The following CNKSR3 variants were observed in gnomAD, a reference collection of about 807,000 sequenced individuals.
CNKSR3 encodes CNKSR family member 3.
In CNKSR3, 36 loss-of-function variants were observed where a neutral mutation model predicts 67.7. The observed-to-expected ratio is 0.53, with a 90% CI of 0.41 to 0.70. CNKSR3 has a LOEUF of 0.70. CNKSR3 is among the 30% of genes least tolerant of loss of function. The pLI is 0.00. For synonymous variants in CNKSR3, 281 were observed against 271.4 expected (o/e 1.04, Z -0.35); for missense variants, 630 against 695.2 (o/e 0.91, Z 1.05).
chr6:154,473,837 T>C (rs1054329356), intron 1 of CNKSR3, among the ~76,000 whole-genome samples: 1 of 151,844 alleles, frequency 6.6e-6, no homozygotes, highest in Non-Finnish European at 1.5e-5. Flanking sequence ...CAGGCTGGAG[T>C]GCAGTGGCAT....
chr6:154,454,217 C>G (rs977711167), intron 1 of CNKSR3, among the ~76,000 whole-genome samples: 3 of 152,012 alleles, frequency 2.0e-5, no homozygotes, highest in Non-Finnish European at 4.4e-5. Flanking sequence ...ACTCAGCTGT[C>G]TCATTTGTAA....
At position 154,404,347 on chromosome 6, in the gene CNKSR3, C is replaced by A. The variant is rs183965456; in HGVS notation, c.*2007G>T. ...CCCGAGTAGCTGGGACTACAGGTGCCCACCACCATGCGAAGCTGATTTTTA... is the reference window on the plus strand; with the variant it reads ...CCCGAGTAGCTGGGACTACAGGTGCACACCACCATGCGAAGCTGATTTTTA... On this transcript the variant is annotated 3_prime_UTR_variant, in exon 13 of 13. Transcript: ENST00000607772. 3.2e-3 allele frequency: 495 copies of A among 152,642 alleles called. No homozygotes were observed. Among genetic ancestry groups the A allele is most frequent in the Non-Finnish European group, 6.0e-3 (411 of 68,422 alleles). 9.5% of individuals were successfully genotyped at this position (152,642 alleles called of 1,614,324 possible). A position where few individuals can be genotyped will look rare whatever the true frequency, so the allele number is the denominator to read the frequency against.
intron 1 of CNKSR3, among the ~76,000 whole-genome samples, chr6:154,503,974 G>T (rs1291643272): frequency 1.3e-5 from 2 of 152,172 alleles, no homozygotes. Context: ...TGTGATGGGT[G>T]CACGAATCGC....
intron 4 of CNKSR3, among the ~76,000 whole-genome samples, chr6:154,435,141 GC>G: frequency 6.6e-6 from 1 of 151,832 alleles, no homozygotes; most frequent in Admixed American, 6.6e-5. Context: ...GACCACAGGT[GC>G]ACACCACCAC....
intron 1 of CNKSR3, among the ~76,000 whole-genome samples, chr6:154,452,198 C>T (rs1476484343): frequency 2.6e-5 from 4 of 152,202 alleles, no homozygotes; most frequent in African/African-American, 9.6e-5. Context: ...AGTCATACAG[C>T]TGGTCAGATG....
chr6:154,436,981 TTGGAAGGAAGGATGCAGAGATGGA>T (rs1337024861), intron 4 of CNKSR3, among the ~76,000 whole-genome samples: 2 of 151,890 alleles, frequency 1.3e-5, no homozygotes, highest in Non-Finnish European at 2.9e-5. Flanking sequence ...TAAATTATTA[TTGGAAGGAAGGATGCAGAGATGGA>T]TGGAAGGAAG....
chr6:154,479,979 G>T (rs1786532950), intron 1 of CNKSR3, among the ~76,000 whole-genome samples: 1 of 152,168 alleles, frequency 6.6e-6, no homozygotes, highest in Non-Finnish European at 1.5e-5. Flanking sequence ...AGTGGCCCTT[G>T]TGGGGCAGGA....
At chr6:154,495,154 G>T (rs1786852079) in intron 1 of CNKSR3, among the ~76,000 whole-genome samples, 1 of 152,120 alleles carries the variant, frequency 6.6e-6, no homozygotes, top group Non-Finnish European at 1.5e-5. Flanking sequence ...CATGATATTT[G>T]CACCTCATTA....
At chr6:154,499,270 T>A (rs1487805444) in intron 1 of CNKSR3, among the ~76,000 whole-genome samples, 2 of 152,250 alleles carry the variant, frequency 1.3e-5, no homozygotes, top group African/African-American at 4.8e-5. Flanking sequence ...CAAAAAACTG[T>A]GGACAGGCAT....
rs1397395978 is a variant in CNKSR3 at position 154,406,315 on chromosome 6, G to A, written c.*39C>T. 6.4e-7 allele frequency: 1 copy of A among 1,570,230 alleles called. No individual in the cohort carries two copies. The stretch of plus-strand genomic sequence containing the variant: ...TGTCCACTGTAAAAGCAAGGCACTT[G>A]GGGCAGGAGCCAGGCAGGTGGCCTG... On this transcript the variant is annotated 3_prime_UTR_variant, in exon 13 of 13. Coordinates refer to ENST00000607772, the MANE Select transcript of CNKSR3 (RefSeq NM_173515.4).
chr6:154,407,399 T>C (rs9479836), intron 12 of CNKSR3, among the ~76,000 whole-genome samples: 72,291 of 152,054 alleles, frequency 0.48, 17,584 homozygotes, highest in East Asian at 0.64. Context: ...TAAAATACAG[T>C]ACACTTTGGT....
At chr6:154,489,937 T>G (rs1351028175) in intron 1 of CNKSR3, among the ~76,000 whole-genome samples, 1 of 151,924 alleles carries the variant, frequency 6.6e-6, no homozygotes, top group Non-Finnish European at 1.5e-5. Flanking sequence ...CGGGGAACAC[T>G]CCCCTCCAAA....
At chr6:154,428,009 T>C (rs960977988) in intron 7 of CNKSR3, 119 bp downstream of exon 7, 23 of 677,592 alleles carry the variant, frequency 3.4e-5, no homozygotes, top group African/African-American at 2.8e-4. Context: ...ACAAAGCAGG[T>C]ACCCACGCTC....
intron 1 of CNKSR3, among the ~76,000 whole-genome samples, chr6:154,453,509 A>G (rs1459272543): frequency 6.6e-6 from 1 of 152,200 alleles, no homozygotes; most frequent in Non-Finnish European, 1.5e-5. Context: ...CCTGAGATGT[A>G]GAATTATCAA....
Position 154,392,727 on chromosome 6 carries a change from C to T in CNKSR3, c.*13627G>A, listed in dbSNP as rs552389716. ...ATGTTTGGGGAACAAGGAGCCCTTG[C>T]CTCCCCTGACGGCAGCAGCAGAATG... On this transcript the variant is annotated 3_prime_UTR_variant, in exon 13 of 13. Transcript: ENST00000607772. 6.6e-6 allele frequency: 1 copy of T among 152,344 alleles called. No individual in the cohort carries two copies. The highest frequency in any genetic ancestry group is 6.5e-5 in the Admixed American group (1 of 15,298). The allele number at this position is 152,344 out of a possible 1,614,324, so 9.4% of individuals were successfully genotyped here.
At chr6:154,496,607 T>G (rs1317661771) in intron 1 of CNKSR3, among the ~76,000 whole-genome samples, 1 of 152,212 alleles carries the variant, frequency 6.6e-6, no homozygotes, top group African/African-American at 2.4e-5. Flanking sequence ...ATCTCAGAAT[T>G]TTAATGTATG....
chr6:154,415,882 T>C (rs1340395668), intron 9 of CNKSR3, among the ~76,000 whole-genome samples: 1 of 152,204 alleles, frequency 6.6e-6, no homozygotes, highest in African/African-American at 2.4e-5. Context: ...ACAACAATGA[T>C]TTTTCTGGTT....
chr6:154,445,343 TAGAG>T (rs1240305977), intron 2 of CNKSR3, among the ~76,000 whole-genome samples: 1 of 152,134 alleles, frequency 6.6e-6, no homozygotes, highest in Non-Finnish European at 1.5e-5. Flanking sequence ...TGTCCTTCAA[TAGAG>T]AGACAAAAAT....
chr6:154,463,857 A>C (rs1376941871), intron 1 of CNKSR3, among the ~76,000 whole-genome samples: 1 of 152,148 alleles, frequency 6.6e-6, no homozygotes, highest in East Asian at 1.9e-4. Flanking sequence ...TGTGGTTCCC[A>C]CTGGCCCTGC....
Sources: allele counts gnomAD v4.1 joint callset (sites outside exome capture counted in the v4.1 genomes callset), GRCh38; gene constraint gnomAD v4.1.1; transcripts MANE v1.5; gene names NCBI Gene and HGNC (gene_info 2026-07-23, HGNC 2026-07-21).